DOCK2: variants seen among roughly 807,000 people sequenced by gnomAD.
The protein encoded by DOCK2 is dedicator of cytokinesis protein 2.
A neutral mutation model predicts 248.9 loss-of-function variants in DOCK2; 87 were observed. The observed-to-expected ratio is 0.35, with a 90% CI of 0.29 to 0.42. The LOEUF (loss-of-function observed/expected upper bound fraction) is 0.42, where lower values mean the gene tolerates loss of function less well. DOCK2 is among the 10% of genes least tolerant of loss of function. The probability of loss-of-function intolerance (pLI) is 1.00; values close to 1 mark genes in which losing one functional copy is unlikely to be tolerated. For missense variants in DOCK2, 1,747 were observed against 2,300.2 expected (o/e 0.76, Z 4.92); for synonymous variants, 805 against 821.6 (o/e 0.98, Z 0.35).
chr5:169,846,152 T>A (rs1770286921), intron 27 of DOCK2, among the ~76,000 whole-genome samples: 1 of 152,208 alleles, frequency 6.6e-6, no homozygotes. Context: ...GTAAACACCA[T>A]AAATGTCAAG....
At chr5:169,827,364 G>C (rs898730682) in intron 26 of DOCK2, among the ~76,000 whole-genome samples, 9 of 152,170 alleles carry the variant, frequency 5.9e-5, no homozygotes, top group African/African-American at 2.2e-4. Flanking sequence ...CCTGGGAGCA[G>C]ATGACTGCTT....
chr5:169,690,507 A>C (rs1760233768), intron 9 of DOCK2, among the ~76,000 whole-genome samples: 1 of 152,182 alleles, frequency 6.6e-6, no homozygotes, highest in Non-Finnish European at 1.5e-5. Context: ...ATTTTCTTTA[A>C]AAAATGGGCC....
At chr5:170,025,440 T>C (rs1359112669) in intron 33 of DOCK2, among the ~76,000 whole-genome samples, 5 of 152,322 alleles carry the variant, frequency 3.3e-5, no homozygotes, top group Admixed American at 3.3e-4. Flanking sequence ...CAGGAAATGT[T>C]TGCCAGTCCC....
At chr5:169,666,295 A>G (rs923663105) in intron 2 of DOCK2, among the ~76,000 whole-genome samples, 1 of 152,182 alleles carries the variant, frequency 6.6e-6, no homozygotes, top group African/African-American at 2.4e-5. Context: ...CCACCTCCTA[A>G]TGCCATCACA....
rs368959585 is a variant in DOCK2 at position 169,895,526 on chromosome 5, C to T, written c.2799+54674C>T. Among the ~76,000 whole-genome samples, 7 of 152,218 alleles carry T rather than the reference C, an allele frequency of 4.6e-5. No individual in the cohort carries two copies. The East Asian group carries it at 5.8e-4, about 13-fold the overall frequency. On this transcript the variant is annotated intron_variant, in intron 27 of 51. Coordinates refer to ENST00000520908, the MANE Select transcript of DOCK2 (RefSeq NM_004946.3). ...AAAAGCAGCCAGCAGCCAGCATTCA[C>T]GCATCCTCTTCTTTTGGGGGTAGGA... is the stretch of plus-strand genomic sequence containing the variant.
intron 27 of DOCK2, among the ~76,000 whole-genome samples, chr5:169,926,357 A>G (rs1224340213): frequency 2.6e-5 from 4 of 152,312 alleles, no homozygotes; most frequent in African/African-American, 9.6e-5. Context: ...CTGAAAAATG[A>G]ACTTCTTATC....
intron 32 of DOCK2, 139 bp downstream of exon 32, chr5:170,008,885 TA>T: frequency 5.8e-6 from 6 of 1,032,494 alleles, no homozygotes; most frequent in Non-Finnish European, 8.8e-6. Context: ...CCCCAGTTCC[TA>T]ATAAGTGCCT....
chr5:170,046,293 C>T (rs1198407261), intron 39 of DOCK2, among the ~76,000 whole-genome samples: 1 of 152,210 alleles, frequency 6.6e-6, no homozygotes, highest in Non-Finnish European at 1.5e-5. Flanking sequence ...CATTAAAATG[C>T]TCCCCATCTG....
At position 170,045,083 on chromosome 5, in the gene DOCK2, T is replaced by TA. The variant is rs938078303; in HGVS notation, c.3877-724dup. On this transcript the variant is annotated intron_variant, in intron 38 of 51. Transcript: ENST00000520908. Reference sequence around the variant, plus strand: ...TCTTAAGATGGAGAAGACCTACTATTAAAAAAAAAGTCTTAATTTTTTTTT... The same window carrying TA: ...TCTTAAGATGGAGAAGACCTACTATTAAAAAAAAAAGTCTTAATTTTTTTTT... Among the ~76,000 whole-genome samples the TA allele has an allele frequency of 5.3e-5, 8 of 151,186 alleles. No homozygotes were observed. In the South Asian group the frequency reaches 8.4e-4, roughly 16 times the overall value.
At chr5:169,659,245 C>T (rs1426736307) in intron 2 of DOCK2, among the ~76,000 whole-genome samples, 1 of 152,042 alleles carries the variant, frequency 6.6e-6, no homozygotes, top group East Asian at 1.9e-4. Context: ...GCTTCTGCTA[C>T]CCACTAGTGG....
intron 27 of DOCK2, among the ~76,000 whole-genome samples, chr5:169,844,605 C>T (rs1444258660): frequency 6.6e-6 from 1 of 152,210 alleles, no homozygotes; most frequent in South Asian, 2.1e-4. Flanking sequence ...TTTTGTTTAC[C>T]CACATCCCCA....
intron 27 of DOCK2, among the ~76,000 whole-genome samples, chr5:169,929,505 G>C (rs913855915): frequency 6.6e-6 from 1 of 152,138 alleles, no homozygotes; most frequent in Admixed American, 6.5e-5. Context: ...GGAAGGCTGA[G>C]GGGGGAGGAT....
rs17670695 is a variant in DOCK2 at position 169,972,786 on chromosome 5, G to A, written c.2800-10282G>A. ...AGGACTGAGGAATTGTCTAGGAAGC[G>A]GGAAAAATGTTCTCCAATGTGGACT... On this transcript the variant is annotated intron_variant, in intron 27 of 51. Coordinates refer to ENST00000520908, the MANE Select transcript of DOCK2 (RefSeq NM_004946.3). Among the ~76,000 whole-genome samples the A allele has an allele frequency of 0.014, 2,082 of 152,236 alleles. 106 individuals carry two copies. The South Asian group carries it at 0.16, about 12-fold the overall frequency.
chr5:170,027,912 G>A lies in DOCK2; in HGVS notation c.3431G>A (p.Arg1144Gln), dbSNP rs776606366. Residue 1144 changes from arginine (R) to glutamine (Q), a missense_variant, in exon 34 of 52, where the codon CGA becomes CAA. Coordinates refer to ENST00000520908, the MANE Select transcript of DOCK2 (RefSeq NM_004946.3). ...LKLDHEVEGG[R>Q]GDEQYMQLLE... ...CTGGACCACGAGGTAGAAGGGGGCC[G>A]AGGCGACGAGCAGTACATGCAGCTC... 18 of 1,613,220 alleles carry A rather than the reference G, an allele frequency of 1.1e-5. No homozygotes were observed. The highest frequency in any genetic ancestry group is 1.3e-5 in the African/African-American group (1 of 74,904).
At chr5:169,769,405 T>G (rs1208291482) in intron 25 of DOCK2, among the ~76,000 whole-genome samples, 1 of 152,200 alleles carries the variant, frequency 6.6e-6, no homozygotes, top group East Asian at 1.9e-4. Context: ...CTCTCCATCT[T>G]ATCGCCTTCC....
chr5:169,904,091 CAA>C (rs57983281), intron 27 of DOCK2, among the ~76,000 whole-genome samples: 15 of 70,344 alleles, frequency 2.1e-4, no homozygotes, highest in Non-Finnish European at 3.6e-4. Flanking sequence ...GACTTCGTCT[CAA>C]AAAAAAAAAA....
intron 13 of DOCK2, among the ~76,000 whole-genome samples, chr5:169,701,089 C>T (rs1443400728): frequency 1.3e-5 from 2 of 152,166 alleles, no homozygotes; most frequent in Non-Finnish European, 2.9e-5. Flanking sequence ...CTGTTTCAGC[C>T]TTATGAGGGC....
intron 25 of DOCK2, among the ~76,000 whole-genome samples, chr5:169,776,117 A>G (rs1473348074): frequency 6.8e-6 from 1 of 148,042 alleles, no homozygotes; most frequent in Non-Finnish European, 1.5e-5. Context: ...CTTTTGTATC[A>G]TATATATGAT....
In DOCK2 at chr5:169,673,426, C is replaced by G. The variant is rs1371782323; in HGVS notation, c.322-871C>G. Among the ~76,000 whole-genome samples the G allele has an allele frequency of 2.6e-5, 4 of 151,706 alleles. No homozygotes were observed. The East Asian group carries it at 7.7e-4, about 29-fold the overall frequency. On this transcript the variant is annotated intron_variant, in intron 5 of 51. Coordinates refer to ENST00000520908, the MANE Select transcript of DOCK2 (RefSeq NM_004946.3). ...TTTTGTTGTTGTTTTTTTAATTATA[C>G]CACCCACACTTTCCCAAATGGAAAG...
Sources: gnomAD v4.1 joint callset for allele counts (sites outside exome capture counted in the v4.1 genomes callset) on GRCh38, gnomAD v4.1.1 for gene constraint, MANE v1.5 for transcripts, NCBI Gene and HGNC (gene_info 2026-07-23, HGNC 2026-07-21) for gene names.